The following MFF variants were observed in gnomAD, a reference collection of about 807,000 sequenced individuals.
MFF encodes the protein chromosome 2 open reading frame 33.
A neutral mutation model predicts 36.9 loss-of-function variants in MFF; 12 were observed. The observed-to-expected ratio is 0.33, with a 90% confidence interval of 0.21 to 0.53. The LOEUF is 0.53. Among genes scored for constraint, MFF ranks in the 20% least tolerant of loss-of-function variants. MFF has a pLI of 0.95. For synonymous variants in MFF, 99 were observed against 126.2 expected, an observed-to-expected ratio of 0.78 and a Z score of 1.44; for missense variants, 348 against 366.6, an observed-to-expected ratio of 0.95 and a Z score of 0.42.
intron 4 of MFF, among the ~76,000 whole-genome samples, chr2:227,333,108 T>A (rs772947555): frequency 6.6e-6 from 1 of 152,258 alleles, no homozygotes; most frequent in Non-Finnish European, 1.5e-5. Flanking sequence ...GCCTTTGTCA[T>A]TGACTTACAG....
Position 227,342,165 on chromosome 2 carries a change from A to G in MFF, c.440+1785A>G, listed in dbSNP as rs565785147. Among the ~76,000 whole-genome samples, 10 of 152,184 alleles carry G rather than the reference A, an allele frequency of 6.6e-5. No homozygotes were observed. In the East Asian group the frequency reaches 1.5e-3, roughly 23 times the overall value. ...AAATCTCATTTTTGATAGTAAAAGT[A>G]ATGAATCTTTATACATTTTCACAGT... On this transcript the variant is annotated intron_variant, in intron 5 of 8. Coordinates refer to ENST00000304593, the MANE Select transcript of MFF (RefSeq NM_001277062.2).
chr2:227,348,198 A>G (rs943841887), intron 6 of MFF, among the ~76,000 whole-genome samples: 4 of 152,180 alleles, frequency 2.6e-5, no homozygotes, highest in Admixed American at 2.6e-4. Context: ...ATTTTGAAGA[A>G]TTTCACAATA....
intron 5 of MFF, among the ~76,000 whole-genome samples, chr2:227,341,601 T>A (rs923583568): frequency 6.6e-6 from 1 of 152,168 alleles, no homozygotes; most frequent in Non-Finnish European, 1.5e-5. Context: ...AGCAGTGATG[T>A]CAGCAGGCCC....
rs2076290882 is a variant in MFF, at chr2:227,356,981, C to T, written c.745-5C>T. On this transcript the variant is annotated splice_polypyrimidine_tract_variant and splice_region_variant and intron_variant, in intron 8 of 8. Coordinates refer to ENST00000304593, the MANE Select transcript of MFF (RefSeq NM_001277062.2). Reference sequence around the variant, plus strand: ...ATATTTTTTGTGTGTTTGTTTTTCACTTAGATAATCAAACTAAATAGACGT... The same window carrying T: ...ATATTTTTTGTGTGTTTGTTTTTCATTTAGATAATCAAACTAAATAGACGT... 6.6e-7 allele frequency: 1 copy of T among 1,507,810 alleles called. No individual in the cohort carries two copies. Among genetic ancestry groups the T allele is most frequent in the Middle Eastern group, 1.8e-4 (1 of 5,464 alleles). The allele number at this position is 1,507,810 out of a possible 1,614,324, so 93.4% of individuals were successfully genotyped here.
chr2:227,337,815 G>A (rs774851943), intron 4 of MFF, among the ~76,000 whole-genome samples: 3 of 152,092 alleles, frequency 2.0e-5, no homozygotes, highest in Non-Finnish European at 4.4e-5. Flanking sequence ...TTGGGAAGCC[G>A]AAGTGGGTGG....
chr2:227,353,355 G>A (rs778406701), intron 7 of MFF, among the ~76,000 whole-genome samples: 16 of 152,040 alleles, frequency 1.1e-4, no homozygotes, highest in Non-Finnish European at 2.1e-4. Flanking sequence ...ATATATTGTC[G>A]GTAGCAGTAG....
intron 5 of MFF, among the ~76,000 whole-genome samples, chr2:227,345,983 G>A (rs2075689455): frequency 1.3e-5 from 2 of 152,102 alleles, no homozygotes. Context: ...TCATATTATG[G>A]TACTTCTGTC....
chr2:227,343,842 C>T (rs2075557568), intron 5 of MFF, among the ~76,000 whole-genome samples: 1 of 152,100 alleles, frequency 6.6e-6, no homozygotes, highest in Non-Finnish European at 1.5e-5. Context: ...GGCTGGAGTG[C>T]AATGGCGTGA....
At chr2:227,347,923 A>G (rs1465059970) in intron 6 of MFF, among the ~76,000 whole-genome samples, 3 of 152,202 alleles carry the variant, frequency 2.0e-5, no homozygotes, top group Non-Finnish European at 2.9e-5. Context: ...CAGTGTTGAT[A>G]ATTTATCTCA....
At chr2:227,345,780 T>C (rs2075677320) in intron 5 of MFF, among the ~76,000 whole-genome samples, 1 of 152,196 alleles carries the variant, frequency 6.6e-6, no homozygotes. Flanking sequence ...TTGGCTTATA[T>C]GTATTCCCAG....
intron 7 of MFF, among the ~76,000 whole-genome samples, chr2:227,353,154 G>A (rs1040599602): frequency 3.9e-5 from 6 of 152,098 alleles, no homozygotes; most frequent in East Asian, 1.9e-4. Flanking sequence ...TTTCAGACAC[G>A]CGTAGGTTGA....
chr2:227,349,470 T>G (rs1182556043), intron 6 of MFF, among the ~76,000 whole-genome samples: 1 of 152,190 alleles, frequency 6.6e-6, no homozygotes. Context: ...CTTTTCTCAT[T>G]CATTTCAGTA....
At chr2:227,332,390 T>C (rs1241975216) in intron 3 of MFF, 29 bp from the exon 4 acceptor site, 1 of 1,518,654 alleles carries the variant, frequency 6.6e-7, no homozygotes, top group Non-Finnish European at 8.8e-7. Context: ...GCTTTTCTCT[T>C]CTTTGTCTCT....
intron 5 of MFF, among the ~76,000 whole-genome samples, chr2:227,342,186 A>G (rs537389506): frequency 6.6e-6 from 1 of 152,192 alleles, no homozygotes; most frequent in Admixed American, 6.5e-5. Flanking sequence ...ATACATTTTC[A>G]CAGTGAAACA....
chr2:227,336,684 T>C (rs1318230293), intron 4 of MFF, among the ~76,000 whole-genome samples: 3 of 152,136 alleles, frequency 2.0e-5, no homozygotes, highest in African/African-American at 4.8e-5. Context: ...AGAAGAAATA[T>C]CTAGCTAGAT....
intron 4 of MFF, among the ~76,000 whole-genome samples, chr2:227,339,201 CAA>C (rs369858631): frequency 3.9e-4 from 49 of 125,376 alleles, no homozygotes; most frequent in Admixed American, 3.3e-4. Flanking sequence ...GATCCTATCT[CAA>C]AAAAAAAAAA....
chr2:227,325,318 T>C lies in MFF; in HGVS notation c.-262T>C, dbSNP rs954380072. 27 of 159,666 alleles carry C rather than the reference T, an allele frequency of 1.7e-4. No homozygotes were observed. The highest frequency in any genetic ancestry group is 5.7e-4 in the African/African-American group (24 of 42,068). 9.9% of individuals were successfully genotyped at this position (159,666 alleles called of 1,614,324 possible). On this transcript the variant is annotated 5_prime_UTR_variant, in exon 1 of 9. Transcript: ENST00000304593. ...TCTGCGGGCCGCTCCGCCGGTGCTGTCCCTGGGCGCCTCCGTGCTCTCAGC... is the reference window on the plus strand; with the variant it reads ...TCTGCGGGCCGCTCCGCCGGTGCTGCCCCTGGGCGCCTCCGTGCTCTCAGC...
At chr2:227,335,731 G>T (rs975696334) in intron 4 of MFF, among the ~76,000 whole-genome samples, 3 of 152,198 alleles carry the variant, frequency 2.0e-5, no homozygotes, top group Non-Finnish European at 4.4e-5. Flanking sequence ...AAGAATCCAG[G>T]TGAGCCCTTG....
chr2:227,346,568 G>C (rs1311467200), intron 5 of MFF, among the ~76,000 whole-genome samples: 1 of 152,130 alleles, frequency 6.6e-6, no homozygotes, highest in African/African-American at 2.4e-5. Flanking sequence ...AAGTGTCCTT[G>C]CCTTCTTTTG....
Sources: gnomAD v4.1 joint callset for allele counts (sites outside exome capture counted in the v4.1 genomes callset) on GRCh38, gnomAD v4.1.1 for gene constraint, MANE v1.5 for transcripts, NCBI Gene and HGNC (gene_info 2026-07-23, HGNC 2026-07-21) for gene names.